MEMO1: variants seen among roughly 807,000 people sequenced by gnomAD.
MEMO1 encodes the protein protein MEMO1.
Under a neutral mutation model 45.2 loss-of-function variants are expected in MEMO1, and 6 were observed. The observed-to-expected ratio is 0.13, with a 90% CI of 0.07 to 0.26. The LOEUF (loss-of-function observed/expected upper bound fraction) is 0.26. Among genes scored for constraint, MEMO1 ranks in the 10% least tolerant of loss-of-function variants. The pLI, the probability that MEMO1 is intolerant of heterozygous loss-of-function variation, is 1.00. For missense variants in MEMO1, 184 were observed against 370.5 expected (o/e 0.50, Z 4.13); for synonymous variants, 78 against 124.3 (o/e 0.63, Z 2.48).
chr2:31,969,213 C>G (rs1278865709), intron 2 of MEMO1, among the ~76,000 whole-genome samples: 1 of 151,524 alleles, frequency 6.6e-6, no homozygotes. Flanking sequence ...TATTTCAGCA[C>G]CAAGTCTCAT....
At chr2:31,925,494 A>AAAAAAAAAAAAAAAAC (rs1682966663) in intron 4 of MEMO1, among the ~76,000 whole-genome samples, 1 of 139,084 alleles carries the variant, frequency 7.2e-6, no homozygotes, top group African/African-American at 2.5e-5. Flanking sequence ...AAAAAAAAAA[A>AAAAAAAAAAAAAAAAC]AAAAATCTGT....
intron 6 of MEMO1, among the ~76,000 whole-genome samples, chr2:31,905,706 T>A (rs545165214): frequency 6.6e-6 from 1 of 152,220 alleles, no homozygotes; most frequent in African/African-American, 2.4e-5. Flanking sequence ...GGCAATATTA[T>A]AAGGCCTTGA....
intron 2 of MEMO1, among the ~76,000 whole-genome samples, chr2:31,951,873 C>T (rs1666884771): frequency 6.6e-6 from 1 of 152,144 alleles, no homozygotes; most frequent in Non-Finnish European, 1.5e-5. Context: ...CAGCTTCCTC[C>T]AAATCCTTTC....
At chr2:31,968,589 G>A (rs1668904635) in intron 2 of MEMO1, among the ~76,000 whole-genome samples, 1 of 152,172 alleles carries the variant, frequency 6.6e-6, no homozygotes, top group Non-Finnish European at 1.5e-5. Flanking sequence ...CCCCCAAGAA[G>A]TGTCAGATTA....
intron 6 of MEMO1, among the ~76,000 whole-genome samples, chr2:31,910,753 G>T (rs926124131): frequency 1.3e-5 from 2 of 152,062 alleles, no homozygotes; most frequent in African/African-American, 2.4e-5. Context: ...CCAGCTACTC[G>T]AGAGGCTGAG....
At chr2:31,930,471 C>A (rs750070459) in intron 4 of MEMO1, among the ~76,000 whole-genome samples, 1 of 152,008 alleles carries the variant, frequency 6.6e-6, no homozygotes, top group East Asian at 1.9e-4. Context: ...CTATCTATAC[C>A]CCTCTACAAA....
intron 4 of MEMO1, among the ~76,000 whole-genome samples, chr2:31,924,609 C>T (rs1351580854): frequency 6.6e-6 from 1 of 152,066 alleles, no homozygotes; most frequent in African/African-American, 2.4e-5. Flanking sequence ...TGAGTGTGTA[C>T]CCTCATGACT....
intron 6 of MEMO1, among the ~76,000 whole-genome samples, chr2:31,904,321 T>C (rs1351032065): frequency 6.6e-6 from 1 of 152,250 alleles, no homozygotes; most frequent in African/African-American, 2.4e-5. Flanking sequence ...TTGTAAACAA[T>C]GTGATTACAT....
rs185210673 is a variant in MEMO1 at position 31,900,882 on chromosome 2, A to T, written c.438-8748T>A. On this transcript the variant is annotated intron_variant, in intron 6 of 9. Coordinates refer to ENST00000404530, the MANE Select transcript of MEMO1 (RefSeq NM_001301833.4). Reference sequence around the variant, plus strand: ...TAAAATGGTACAGTCACTTTGGAAAACACTTTGGTAGTTTCTGAAAGAATT... The same window carrying T: ...TAAAATGGTACAGTCACTTTGGAAATCACTTTGGTAGTTTCTGAAAGAATT... Among the ~76,000 whole-genome samples the T allele has an allele frequency of 3.0e-3, 455 of 152,298 alleles. 1 individual carries two copies. The highest frequency in any genetic ancestry group is 0.01 in the African/African-American group (421 of 41,562).
At chr2:31,926,666 T>C (rs1302645272) in intron 4 of MEMO1, among the ~76,000 whole-genome samples, 6 of 151,834 alleles carry the variant, frequency 4.0e-5, no homozygotes, top group Non-Finnish European at 8.8e-5. Flanking sequence ...ATGGCCAACA[T>C]GGTGAAACCG....
At position 31,918,016 on chromosome 2, in the gene MEMO1, G is replaced by A. The variant is rs1184346320; in HGVS notation, c.347C>T (p.Thr116Ile). ...CAGAGACATGCGTTCAAACATTCCT[G>A]TCTTCCACAGTTCTCCGTAAACTAA... Reference protein sequence around the residue: ...DQKIYGELWKTGMFERMSLQT... With the variant: ...DQKIYGELWKIGMFERMSLQT... The change falls in exon 6 of 10, where the codon ACA (threonine) becomes ATA (isoleucine). Residue 116 changes from threonine (T) to isoleucine (I), a missense_variant. Thr to Ile is a moderately conservative substitution (Grantham distance 89). This residue lies in a region of MEMO1 where 60 missense variants were observed against 79.2 expected (regional missense o/e 0.76). Transcript: ENST00000404530. The A allele has an allele frequency of 6.2e-7, 1 of 1,610,320 alleles. No individual in the cohort carries two copies. Among genetic ancestry groups the A allele is most frequent in the Admixed American group, 1.7e-5 (1 of 59,828 alleles).
rs915031257 is a variant in MEMO1, at chr2:31,945,741, C to T, written c.62-2358G>A. 9.2e-5 allele frequency among the ~76,000 whole-genome samples: 14 copies of T among 152,046 alleles called. 1 individual carries two copies. Among genetic ancestry groups the T allele is most frequent in the Admixed American group, 9.2e-4 (14 of 15,278 alleles). ...GGACAGGGTGCCTAACTTTGGCAGG[C>T]CATCTAGTTCCAAGTTGTAAAATTA... On this transcript the variant is annotated intron_variant, in intron 2 of 9. Transcript: ENST00000404530.
intron 4 of MEMO1, among the ~76,000 whole-genome samples, chr2:31,928,540 C>G (rs369723408): frequency 1.5e-3 from 102 of 69,854 alleles, no homozygotes; most frequent in African/African-American, 4.4e-3. Context: ...AAGAGAGACT[C>G]CATCTCAAAA....
intron 1 of MEMO1, chr2:32,010,511 G>T (rs1674760802): frequency 6.3e-6 from 2 of 314,976 alleles, no homozygotes; most frequent in Non-Finnish European, 6.1e-6. Flanking sequence ...GGCCCACGGC[G>T]GCCTCACCGA....
rs187003840 is a variant in MEMO1, at chr2:31,918,909, A to G, written c.326-872T>C. Among the ~76,000 whole-genome samples the G allele has an allele frequency of 1.5e-3, 224 of 152,154 alleles. 2 individuals are homozygous for G. The highest frequency in any genetic ancestry group is 5.1e-3 in the African/African-American group (211 of 41,522). On this transcript the variant is annotated intron_variant, in intron 5 of 9. Coordinates refer to ENST00000404530, the MANE Select transcript of MEMO1 (RefSeq NM_001301833.4). The stretch of plus-strand genomic sequence containing the variant: ...CACTGGCAAGCTACCCAAAATTAAA[A>G]TTTTCTGAATGCCCCAACAAGGTTT...
At chr2:31,901,694 G>T (rs1450898300) in intron 6 of MEMO1, among the ~76,000 whole-genome samples, 1 of 151,916 alleles carries the variant, frequency 6.6e-6, no homozygotes, top group East Asian at 1.9e-4. Context: ...ATTGCCTGAG[G>T]TCAGGACTTT....
intron 2 of MEMO1, among the ~76,000 whole-genome samples, chr2:31,971,169 G>A (rs1669349215): frequency 1.3e-5 from 2 of 152,112 alleles, no homozygotes; most frequent in African/African-American, 2.4e-5. Context: ...GGATATGTTT[G>A]CTGTTAAATT....
chr2:31,891,336 G>T (rs538398233), intron 7 of MEMO1, among the ~76,000 whole-genome samples: 2 of 152,100 alleles, frequency 1.3e-5, no homozygotes, highest in Non-Finnish European at 2.9e-5. Context: ...TAGAAGCAAC[G>T]TTTACTAAAA....
At chr2:31,873,540 T>TA (rs1230234973) in intron 8 of MEMO1, among the ~76,000 whole-genome samples, 1 of 152,110 alleles carries the variant, frequency 6.6e-6, no homozygotes, top group Non-Finnish European at 1.5e-5. Context: ...CTTCCCTCTT[T>TA]AAAAAAGTTT....
Sources: gnomAD v4.1 joint callset for allele counts (sites outside exome capture counted in the v4.1 genomes callset) on GRCh38, gnomAD v4.1.1 for gene constraint, gnomAD v4.1.1 regional missense constraint, MANE v1.5 for transcripts, NCBI Gene and HGNC (gene_info 2026-07-23, HGNC 2026-07-21) for gene names.